The following SYTL2 variants were observed in gnomAD, a reference collection of about 807,000 sequenced individuals.
SYTL2 encodes the protein synaptotagmin like 2, also known as synaptotagmin-like protein 2.
A neutral mutation model predicts 198.7 loss-of-function variants in SYTL2; 165 were observed. The ratio of observed to expected loss-of-function variants is 0.83; its 90% CI spans 0.73 to 0.94. The LOEUF is 0.94. Among genes scored for constraint, SYTL2 ranks in the 40% least tolerant of loss-of-function variants. The pLI is 0.00. For missense variants in SYTL2, 2,835 were observed against 2,582.8 expected (o/e 1.10, Z -2.12); for synonymous variants, 966 against 917.7 (o/e 1.05, Z -0.95).
At chr11:85,789,422 A>C (rs1206840650) in intron 1 of SYTL2, among the ~76,000 whole-genome samples, 3 of 121,408 alleles carry the variant, frequency 2.5e-5, no homozygotes, top group African/African-American at 9.6e-5. Context: ...TTTTGTAGAG[A>C]CAAAGTCTCC....
Position 85,717,536 on chromosome 11 carries a change from C to T in SYTL2, c.5483-6G>A. ...CTTCTGATCTGGTTTCTCATCTACT[C>T]AGGAGGGCAACATTGAGAATAAATA... On this transcript the variant is annotated splice_polypyrimidine_tract_variant and splice_region_variant and intron_variant, in intron 10 of 19. Transcript: ENST00000359152. The T allele has an allele frequency of 6.2e-7, 1 of 1,610,966 alleles. No homozygotes were observed. Among genetic ancestry groups the T allele is most frequent in the Non-Finnish European group, 8.5e-7 (1 of 1,177,398 alleles).
At chr11:85,802,766 C>T (rs1390799289) in intron 1 of SYTL2, among the ~76,000 whole-genome samples, 1 of 152,176 alleles carries the variant, frequency 6.6e-6, no homozygotes, top group East Asian at 1.9e-4. Flanking sequence ...ATATTTATTA[C>T]CCCATCTTGT....
chr11:85,711,371 G>A, intron 12 of SYTL2, 139 bp from the exon 13 acceptor site: 1 of 879,252 alleles, frequency 1.1e-6, no homozygotes, highest in Non-Finnish European at 1.7e-6. Flanking sequence ...TAATTGCCAG[G>A]GTATGGGATT....
chr11:85,784,064 G>A (rs910011955), intron 1 of SYTL2, among the ~76,000 whole-genome samples: 1 of 152,156 alleles, frequency 6.6e-6, no homozygotes, highest in African/African-American at 2.4e-5. Context: ...TGTGCCCATG[G>A]CAGGCTTCCT....
chr11:85,698,045 A>T lies in SYTL2; in HGVS notation c.6302T>A (p.Ile2101Asn). 6.2e-7 allele frequency: 1 copy of T among 1,613,968 alleles called. No homozygotes were observed. Among genetic ancestry groups the T allele is most frequent in the Non-Finnish European group, 8.5e-7 (1 of 1,179,882 alleles). ...KKLPTTGEVHIWVKECLDLPL... is the reference protein window; with the variant it reads ...KKLPTTGEVHNWVKECLDLPL... The stretch of plus-strand genomic sequence containing the variant: ...TAGATCAAGGCATTCCTTCACCCAG[A>T]TGTGCACTTCTCCAGTTGTAGGAAG... The change falls in exon 18 of 20, where the codon ATC (isoleucine) becomes AAC (asparagine). Residue 2101 changes from isoleucine to asparagine, a missense_variant. By Grantham distance (149) the Ile-to-Asn change is moderately radical (BLOSUM62 -3). Coordinates refer to ENST00000359152, the MANE Select transcript of SYTL2 (RefSeq NM_206927.4).
At chr11:85,821,328 A>G in the SYTL2 span, among the ~76,000 whole-genome samples, 1 of 152,188 alleles carries the variant, frequency 6.6e-6, no homozygotes, top group Non-Finnish European at 1.5e-5. Context: ...GAGTTCAGAG[A>G]CATGTAGACC....
chr11:85,833,718 G>C, the SYTL2 span, among the ~76,000 whole-genome samples: 1 of 147,690 alleles, frequency 6.8e-6, no homozygotes, highest in African/African-American at 2.5e-5. Flanking sequence ...GGACCTTTGA[G>C]TCGAAGATTT....
chr11:85,789,173 T>G (rs914864113), intron 1 of SYTL2, among the ~76,000 whole-genome samples: 1 of 150,276 alleles, frequency 6.7e-6, no homozygotes. Context: ...CCTAGCTCAC[T>G]GCAGCCTCGA....
intron 7 of SYTL2, among the ~76,000 whole-genome samples, chr11:85,728,873 G>T (rs1426961525): frequency 1.3e-5 from 2 of 152,196 alleles, no homozygotes; most frequent in African/African-American, 4.8e-5. Context: ...TGTATTGAAT[G>T]AGAAGAATTT....
Position 85,757,801 on chromosome 11 carries a change from C to G in SYTL2, c.-76G>C. On this transcript the variant is annotated 5_prime_UTR_variant, in exon 2 of 20. Coordinates refer to ENST00000359152, the MANE Select transcript of SYTL2 (RefSeq NM_206927.4). Reference sequence around the variant, plus strand: ...CAGGGCTGAACAACTAAGACTGCAACCAGGAAGATTAAAACACACAAAAAT... The same window carrying G: ...CAGGGCTGAACAACTAAGACTGCAAGCAGGAAGATTAAAACACACAAAAAT... 1.3e-6 allele frequency: 2 copies of G among 1,583,360 alleles called. No homozygotes were observed. Among genetic ancestry groups the G allele is most frequent in the South Asian group, 1.1e-5 (1 of 90,066 alleles).
intron 2 of SYTL2, 51 bp from the exon 3 acceptor site, chr11:85,748,474 G>T (rs371749404): frequency 1.0e-5 from 16 of 1,589,898 alleles, no homozygotes; most frequent in Non-Finnish European, 1.4e-5. Context: ...GTAAATAAAT[G>T]AGTTCATTAT....
intron 2 of SYTL2, among the ~76,000 whole-genome samples, chr11:85,755,420 A>G (rs1180197434): frequency 6.6e-6 from 1 of 152,198 alleles, no homozygotes; most frequent in Non-Finnish European, 1.5e-5. Flanking sequence ...CAGGCTTTTC[A>G]CCAATCCAAG....
intron 1 of SYTL2, among the ~76,000 whole-genome samples, chr11:85,795,237 A>C (rs1315779274): frequency 6.6e-6 from 1 of 151,982 alleles, no homozygotes; most frequent in East Asian, 1.9e-4. Context: ...CAGCCCCCCA[A>C]ATAAAGTCAC....
At chr11:85,766,529 T>C (rs1208515567) in intron 1 of SYTL2, among the ~76,000 whole-genome samples, 2 of 152,198 alleles carry the variant, frequency 1.3e-5, no homozygotes, top group African/African-American at 4.8e-5. Context: ...ACCATATCCA[T>C]GGGCTTTTAT....
chr11:85,704,945 G>C lies in SYTL2; in HGVS notation c.6102C>G (p.Phe2034Leu). ...WHRDTFKRNS[F>L]LGEVELDLET... ...CCAAATCAAGTTCCACCTCCCCTAG[G>C]AAACTATTGCGCTTAAATGTATCCC... Residue 2034 changes from phenylalanine to leucine, a missense_variant, in exon 16 of 20, where the codon TTC becomes TTG. Physicochemically the swap from Phe to Leu is conservative, Grantham distance 22. Coordinates refer to ENST00000359152, the MANE Select transcript of SYTL2 (RefSeq NM_206927.4). The C allele has an allele frequency of 6.2e-7, 1 of 1,613,622 alleles. No individual in the cohort carries two copies. The highest frequency in any genetic ancestry group is 8.5e-7 in the Non-Finnish European group (1 of 1,179,720).
intron 1 of SYTL2, among the ~76,000 whole-genome samples, chr11:85,800,348 TCA>T (rs1264762019): frequency 6.6e-6 from 1 of 152,318 alleles, no homozygotes; most frequent in East Asian, 1.9e-4. Context: ...CAATCATGGC[TCA>T]CTGCACCCTT....
rs1391995140 is a variant in SYTL2 at position 85,726,568 on chromosome 11, T to C, written c.2790A>G (p.Ala930=). ...TCCCGACATTTGAGGGAGGTTGCAG[T>C]GCTGGTAAAGTAATGTTTCTTCTAG... ...LPSRRNITLP[A]LQPPSNVGSE... is the part of the protein sequence containing the mutation. The change falls in exon 8 of 20, where the codon GCA becomes GCG. Residue 930 remains alanine (A), a synonymous_variant. Coordinates refer to ENST00000359152, the MANE Select transcript of SYTL2 (RefSeq NM_206927.4). 2 of 1,588,874 alleles carry C rather than the reference T, an allele frequency of 1.3e-6. No individual in the cohort carries two copies. Among genetic ancestry groups the C allele is most frequent in the African/African-American group, 1.3e-5 (1 of 74,730 alleles).
At chr11:85,751,741 A>C (rs1354995374) in intron 2 of SYTL2, among the ~76,000 whole-genome samples, 5 of 152,198 alleles carry the variant, frequency 3.3e-5, no homozygotes, top group Admixed American at 2.0e-4. Context: ...TCTGACACTT[A>C]ACAAGCCTCT....
At chr11:85,815,974 G>A (rs1245216757), upstream of SYTL2, among the ~76,000 whole-genome samples, 2 of 152,092 alleles carry the variant, frequency 1.3e-5, no homozygotes, top group Admixed American at 1.3e-4. Flanking sequence ...GACCACCCTA[G>A]ACAACATGGT....
Sources: gnomAD v4.1 joint callset for allele counts (sites outside exome capture counted in the v4.1 genomes callset) on GRCh38, gnomAD v4.1.1 for gene constraint, MANE v1.5 for transcripts, NCBI Gene and HGNC (gene_info 2026-07-23, HGNC 2026-07-21) for gene names.